GALNT14: variants seen among roughly 807,000 people sequenced by gnomAD.
GALNT14 encodes the protein UDP-GalNAc:polypeptide N-acetylgalactosaminyltransferase 14.
GALNT14 carries 60 observed loss-of-function variants against 77.5 expected under a neutral mutation model. The observed-to-expected ratio is 0.77, with a 90% CI of 0.63 to 0.96. The LOEUF is 0.96. Ranked by LOEUF, GALNT14 falls within the 40% of genes least tolerant of loss-of-function variation. GALNT14 has a pLI of 0.00. For synonymous variants in GALNT14, 280 were observed against 281.7 expected, an observed-to-expected ratio of 0.99 and a Z score of 0.06; for missense variants, 710 against 731.0, an observed-to-expected ratio of 0.97 and a Z score of 0.33.
chr2:30,937,726 A>G (rs1334713582), intron 9 of GALNT14, among the ~76,000 whole-genome samples: 1 of 152,172 alleles, frequency 6.6e-6, no homozygotes, highest in Non-Finnish European at 1.5e-5. Flanking sequence ...ATAATCTGCT[A>G]CCTTCAGGTC....
At chr2:31,001,867 A>G (rs1316085517) in intron 1 of GALNT14, among the ~76,000 whole-genome samples, 3 of 152,222 alleles carry the variant, frequency 2.0e-5, no homozygotes, top group Non-Finnish European at 4.4e-5. Context: ...TAAAATATGG[A>G]ATAAAAATTA....
At chr2:31,127,957 C>T (rs956041780) in intron 1 of GALNT14, among the ~76,000 whole-genome samples, 3 of 152,010 alleles carry the variant, frequency 2.0e-5, no homozygotes, top group Non-Finnish European at 2.9e-5. Flanking sequence ...TTGCCATGCT[C>T]GGGGGAAAAG....
intron 11 of GALNT14, 124 bp downstream of exon 11, chr2:30,929,271 G>T (rs1177789392): frequency 3.0e-6 from 2 of 671,226 alleles, no homozygotes; most frequent in East Asian, 2.8e-5. Context: ...AGAAGCCACA[G>T]CCTTGGGCCC....
chr2:30,995,503 CT>C (rs1278908798), intron 1 of GALNT14, among the ~76,000 whole-genome samples: 1 of 152,012 alleles, frequency 6.6e-6, no homozygotes, highest in Non-Finnish European at 1.5e-5. Context: ...CTTAATGTTT[CT>C]TTTTTTAGAG....
intron 1 of GALNT14, among the ~76,000 whole-genome samples, chr2:31,034,413 A>G (rs1054951895): frequency 6.6e-6 from 1 of 152,208 alleles, no homozygotes; most frequent in Non-Finnish European, 1.5e-5. Context: ...CTTCCAGCTC[A>G]CACTTCAAAA....
intron 1 of GALNT14, among the ~76,000 whole-genome samples, chr2:31,048,248 G>A (rs1393578591): frequency 6.6e-6 from 1 of 152,240 alleles, no homozygotes; most frequent in Non-Finnish European, 1.5e-5. Context: ...TGGTATAGGG[G>A]TAGGAAGCCC....
chr2:30,995,782 C>A (rs548524319), intron 1 of GALNT14, among the ~76,000 whole-genome samples: 26 of 152,232 alleles, frequency 1.7e-4, no homozygotes, highest in African/African-American at 6.0e-4. Context: ...TTACAGGGGC[C>A]ACCATACCTG....
At chr2:31,030,130 C>T (rs1410142851) in intron 1 of GALNT14, among the ~76,000 whole-genome samples, 1 of 152,180 alleles carries the variant, frequency 6.6e-6, no homozygotes, top group South Asian at 2.1e-4. Context: ...GCTCCAGTAG[C>T]CTGACCATTT....
At chr2:31,132,262 T>C (rs966618870) in intron 1 of GALNT14, among the ~76,000 whole-genome samples, 1 of 152,246 alleles carries the variant, frequency 6.6e-6, no homozygotes, top group Non-Finnish European at 1.5e-5. Context: ...TTTCTCACCA[T>C]ACCCATGGGA....
intron 2 of GALNT14, among the ~76,000 whole-genome samples, chr2:30,980,098 TC>T (rs1194215633): frequency 6.6e-6 from 1 of 152,066 alleles, no homozygotes; most frequent in Non-Finnish European, 1.5e-5. Flanking sequence ...GGCCCAGAGC[TC>T]TCTAAGGACT....
intron 2 of GALNT14, among the ~76,000 whole-genome samples, chr2:30,982,310 TA>T (rs1412424713): frequency 2.0e-5 from 3 of 152,192 alleles, no homozygotes; most frequent in Non-Finnish European, 4.4e-5. Flanking sequence ...CAGAAGCTTC[TA>T]GGGGTACACC....
intron 9 of GALNT14, 62 bp downstream of exon 9, chr2:30,942,139 C>A: frequency 8.1e-7 from 1 of 1,231,442 alleles, no homozygotes; most frequent in South Asian, 1.3e-5. Flanking sequence ...CACAGAGGTC[C>A]CCGCCCCAAT....
intron 6 of GALNT14, among the ~76,000 whole-genome samples, chr2:30,953,210 T>G (rs1489896437): frequency 6.6e-6 from 1 of 151,542 alleles, no homozygotes; most frequent in African/African-American, 2.4e-5. Flanking sequence ...TTTGGGGAGG[T>G]AAAGGTTCCT....
At chr2:30,920,414 C>G (rs554492339) in intron 13 of GALNT14, among the ~76,000 whole-genome samples, 1 of 152,128 alleles carries the variant, frequency 6.6e-6, no homozygotes, top group African/African-American at 2.4e-5. Context: ...GCAGATGTGA[C>G]TCCCTCTGGA....
chr2:31,063,742 G>A (rs929391113), intron 1 of GALNT14, among the ~76,000 whole-genome samples: 3 of 152,088 alleles, frequency 2.0e-5, no homozygotes, highest in Non-Finnish European at 4.4e-5. Context: ...CTTGAGCAGT[G>A]GTTTGTAGTT....
At chr2:31,038,734 G>C (rs1346399087) in intron 1 of GALNT14, among the ~76,000 whole-genome samples, 1 of 148,346 alleles carries the variant, frequency 6.7e-6, no homozygotes, top group South Asian at 2.1e-4. Context: ...TTTATTCTTA[G>C]TGAGATTCAG....
At chr2:31,053,988 G>T (rs970999897) in intron 1 of GALNT14, among the ~76,000 whole-genome samples, 41 of 152,308 alleles carry the variant, frequency 2.7e-4, no homozygotes, top group African/African-American at 9.6e-4. Flanking sequence ...CCCAAGGAAA[G>T]CAAAAATCCA....
At chr2:31,088,527 G>A (rs1676571862) in intron 1 of GALNT14, among the ~76,000 whole-genome samples, 1 of 152,178 alleles carries the variant, frequency 6.6e-6, no homozygotes, top group South Asian at 2.1e-4. Flanking sequence ...TGAGCGATGT[G>A]TGGCACAGGC....
chr2:30,903,018 C>T, the GALNT14 span, among the ~76,000 whole-genome samples: 1,756 of 152,248 alleles, frequency 0.012, 38 homozygotes, highest in African/African-American at 0.04. Context: ...TTACCCATGA[C>T]CTCCCTTCTC....
Sources: allele counts gnomAD v4.1 joint callset (sites outside exome capture counted in the v4.1 genomes callset), GRCh38; gene constraint gnomAD v4.1.1; transcripts MANE v1.5; gene names NCBI Gene and HGNC (gene_info 2026-07-23, HGNC 2026-07-21).